The following KLF12 variants were observed in gnomAD, a reference collection of about 807,000 sequenced individuals.
KLF12 encodes the protein Krueppel-like factor 12.
A neutral mutation model predicts 37.8 loss-of-function variants in KLF12; 9 were observed. That is an observed-to-expected ratio of 0.24 (90% CI 0.14 to 0.42). The LOEUF is 0.42. Ranked by LOEUF, KLF12 falls within the 10% of genes least tolerant of loss-of-function variation. KLF12 has a pLI of 1.00. For synonymous variants in KLF12, 208 were observed against 202.1 expected (o/e 1.03, Z -0.25); for missense variants, 411 against 516.0 (o/e 0.80, Z 1.97).
intron 1 of KLF12, among the ~76,000 whole-genome samples, chr13:74,127,077 T>A (rs1877982179): frequency 6.6e-6 from 1 of 152,160 alleles, no homozygotes; most frequent in African/African-American, 2.4e-5. Flanking sequence ...TGATCATAGC[T>A]CGTTGTAGCC....
intron 3 of KLF12, among the ~76,000 whole-genome samples, chr13:73,878,831 G>A (rs1163885410): frequency 6.6e-6 from 1 of 152,108 alleles, no homozygotes; most frequent in Non-Finnish European, 1.5e-5. Flanking sequence ...GTAGGCAGGG[G>A]CACCCAAGGA....
chr13:73,862,667 C>A (rs1885992397), intron 3 of KLF12, among the ~76,000 whole-genome samples: 1 of 152,128 alleles, frequency 6.6e-6, no homozygotes, highest in African/African-American at 2.4e-5. Flanking sequence ...AACAACATAT[C>A]TTAGCAGAAT....
chr13:74,202,777 AG>A, the KLF12 span, among the ~76,000 whole-genome samples: 1 of 152,154 alleles, frequency 6.6e-6, no homozygotes, highest in South Asian at 2.1e-4. Flanking sequence ...TTTATGAGTT[AG>A]GCAACCTCAG....
At chr13:74,148,504 G>A in the KLF12 span, among the ~76,000 whole-genome samples, 20 of 46,000 alleles carry the variant, frequency 4.3e-4, 1 homozygote, top group African/African-American at 1.0e-3. Context: ...ACCCCACCCC[G>A]CACTCTGCTT....
intron 1 of KLF12, among the ~76,000 whole-genome samples, chr13:74,045,245 T>C (rs1893511169): frequency 6.6e-6 from 1 of 152,166 alleles, no homozygotes; most frequent in South Asian, 2.1e-4. Context: ...AGTATGGAGA[T>C]GATAAGTCAT....
intron 7 of KLF12, among the ~76,000 whole-genome samples, chr13:73,699,082 A>G (rs1353538074): frequency 6.6e-6 from 1 of 152,076 alleles, no homozygotes; most frequent in African/African-American, 2.4e-5. Flanking sequence ...TCACCCACTG[A>G]GGACAGTGGC....
intron 3 of KLF12, among the ~76,000 whole-genome samples, chr13:73,935,967 AT>A (rs1320369295): frequency 6.6e-6 from 1 of 152,094 alleles, no homozygotes. Flanking sequence ...CATCTGTTTA[AT>A]TTTTTATCTT....
At chr13:74,156,928 C>T in the KLF12 span, among the ~76,000 whole-genome samples, 11 of 152,188 alleles carry the variant, frequency 7.2e-5, no homozygotes, top group South Asian at 8.3e-4. Context: ...AGTGCTGCAA[C>T]GAACATAGGA....
rs1390274451 is a variant in KLF12 at position 73,687,030 on chromosome 13, T to C, written c.*8460A>G. On this transcript the variant is annotated 3_prime_UTR_variant, in exon 8 of 8. Coordinates refer to ENST00000377669, the MANE Select transcript of KLF12 (RefSeq NM_007249.5). ...ACACCAAGAACAACGTCTAGACTAC[T>C]ACTAATTATAACTAAGTCATTTTAA... 6.6e-6 allele frequency: 1 copy of C among 152,648 alleles called. No homozygotes were observed. The highest frequency in any genetic ancestry group is 1.5e-5 in the Non-Finnish European group (1 of 68,030). The allele number at this position is 152,648 out of a possible 1,614,324, so 9.5% of individuals were successfully genotyped here.
At chr13:74,188,721 C>G in the KLF12 span, among the ~76,000 whole-genome samples, 1 of 152,064 alleles carries the variant, frequency 6.6e-6, no homozygotes, top group African/African-American at 2.4e-5. Flanking sequence ...GTGGGCCAGG[C>G]GTGGTGGCTC....
At chr13:74,245,835 AACAG>A in the KLF12 span, among the ~76,000 whole-genome samples, 4 of 152,222 alleles carry the variant, frequency 2.6e-5, no homozygotes, top group African/African-American at 4.8e-5. Flanking sequence ...CTTAGTTTTG[AACAG>A]ACAAAGTTAA....
intron 1 of KLF12, among the ~76,000 whole-genome samples, chr13:74,033,762 T>C (rs1893174150): frequency 6.6e-6 from 1 of 152,218 alleles, no homozygotes; most frequent in Non-Finnish European, 1.5e-5. Flanking sequence ...GCTAAATCTT[T>C]ACACATACTC....
At chr13:73,991,680 C>G (rs1349796618) in intron 2 of KLF12, among the ~76,000 whole-genome samples, 1 of 152,188 alleles carries the variant, frequency 6.6e-6, no homozygotes, top group Non-Finnish European at 1.5e-5. Context: ...AGGCCTGCCT[C>G]TTTTTGATTC....
At chr13:74,034,738 A>G (rs1223757786) in intron 1 of KLF12, among the ~76,000 whole-genome samples, 1 of 152,242 alleles carries the variant, frequency 6.6e-6, no homozygotes, top group East Asian at 1.9e-4. Flanking sequence ...ATCTTAGAGC[A>G]TTATTTCTGA....
intron 5 of KLF12, among the ~76,000 whole-genome samples, chr13:73,785,286 G>T (rs1881270692): frequency 6.6e-6 from 1 of 151,724 alleles, no homozygotes; most frequent in Admixed American, 6.6e-5. Context: ...GCTAATTTTT[G>T]TATTTTTTGT....
At chr13:74,243,437 T>C in the KLF12 span, among the ~76,000 whole-genome samples, 40 of 152,330 alleles carry the variant, frequency 2.6e-4, 1 homozygote, top group East Asian at 7.5e-3. Flanking sequence ...GTCTTTATAG[T>C]AGGATGATTT....
intron 3 of KLF12, among the ~76,000 whole-genome samples, chr13:73,869,469 T>C (rs971846932): frequency 2.0e-5 from 3 of 152,152 alleles, no homozygotes; most frequent in African/African-American, 7.2e-5. Flanking sequence ...AATAATACAT[T>C]GTAAATTCCA....
At chr13:74,002,353 T>C (rs1593820657) in intron 1 of KLF12, among the ~76,000 whole-genome samples, 1 of 152,190 alleles carries the variant, frequency 6.6e-6, no homozygotes, top group South Asian at 2.1e-4. Flanking sequence ...GACAAATTAT[T>C]TTCTTATTTA....
chr13:73,711,207 T>C (rs768276284), intron 7 of KLF12, among the ~76,000 whole-genome samples: 15 of 152,194 alleles, frequency 9.9e-5, no homozygotes, highest in Non-Finnish European at 2.1e-4. Flanking sequence ...AACATATAAG[T>C]GCAAGTTGTA....
Sources: gnomAD v4.1 joint callset for allele counts (sites outside exome capture counted in the v4.1 genomes callset) on GRCh38, gnomAD v4.1.1 for gene constraint, MANE v1.5 for transcripts, NCBI Gene and HGNC (gene_info 2026-07-23, HGNC 2026-07-21) for gene names.